SLX4IP: variants seen among roughly 807,000 people sequenced by gnomAD.
SLX4IP encodes SLX4 interacting protein, also known as protein SLX4IP.
In SLX4IP, 34 loss-of-function variants were observed where a neutral mutation model predicts 32.9. That is an observed-to-expected ratio of 1.03 (90% CI 0.79 to 1.38). The LOEUF is 1.38. SLX4IP is among the 40% of genes most tolerant of loss of function. The probability of loss-of-function intolerance (pLI) is 0.00; values close to 1 mark genes in which losing one functional copy is unlikely to be tolerated. For missense variants in SLX4IP, 444 were observed against 479.0 expected (o/e 0.93, Z 0.68); for synonymous variants, 172 against 171.7 (o/e 1.00, Z -0.01).
intron 2 of SLX4IP, among the ~76,000 whole-genome samples, chr20:10,502,052 A>G (rs2065724065): frequency 6.6e-6 from 1 of 152,218 alleles, no homozygotes; most frequent in African/African-American, 2.4e-5. Flanking sequence ...GGTGGGGCCG[A>G]AACGGCGGCT....
chr20:10,538,599 C>T (rs962235281), intron 2 of SLX4IP, among the ~76,000 whole-genome samples: 1 of 151,556 alleles, frequency 6.6e-6, no homozygotes, highest in African/African-American at 2.4e-5. Flanking sequence ...CATCTTGGCT[C>T]ACTGCAACCT....
chr20:10,493,785 A>G (rs924702380), intron 2 of SLX4IP, among the ~76,000 whole-genome samples: 7 of 150,700 alleles, frequency 4.6e-5, no homozygotes, highest in African/African-American at 9.8e-5. Flanking sequence ...AATGTTTCCT[A>G]CTGGTCTACT....
chr20:10,575,771 T>A (rs1568749966), intron 4 of SLX4IP, among the ~76,000 whole-genome samples: 1 of 152,070 alleles, frequency 6.6e-6, no homozygotes, highest in Non-Finnish European at 1.5e-5. Flanking sequence ...TTTTTTCCTT[T>A]GGCCAGGACC....
At chr20:10,535,871 G>C (rs2066037947) in intron 2 of SLX4IP, among the ~76,000 whole-genome samples, 1 of 152,174 alleles carries the variant, frequency 6.6e-6, no homozygotes. Context: ...GAGTAAATTT[G>C]CATAGCAGAT....
intron 1 of SLX4IP, among the ~76,000 whole-genome samples, chr20:10,443,316 C>A (rs2065173257): frequency 6.6e-6 from 1 of 152,126 alleles, no homozygotes; most frequent in Non-Finnish European, 1.5e-5. Flanking sequence ...GTGCCACACC[C>A]CAAATATTAA....
At chr20:10,463,599 A>G (rs980909973) in intron 2 of SLX4IP, among the ~76,000 whole-genome samples, 1 of 152,236 alleles carries the variant, frequency 6.6e-6, no homozygotes, top group African/African-American at 2.4e-5. Flanking sequence ...TGAATAAAAT[A>G]CATCATGTAT....
intron 4 of SLX4IP, among the ~76,000 whole-genome samples, chr20:10,575,814 A>G (rs1377049345): frequency 6.6e-6 from 1 of 150,952 alleles, no homozygotes; most frequent in Non-Finnish European, 1.5e-5. Flanking sequence ...TCAAATTTCT[A>G]GTAATTGAGT....
rs571368144 is a variant in SLX4IP, at chr20:10,555,542, G to A, written c.28-689G>A. Among the ~76,000 whole-genome samples the A allele has an allele frequency of 2.0e-3, 306 of 152,132 alleles. 3 individuals carry two copies. The highest frequency in any genetic ancestry group is 3.4e-3 in the Non-Finnish European group (233 of 68,014). ...TCAGCAGCCACATATGGCCACATAC[G>A]GCCACATATGGCTATCTTATTGAAC... On this transcript the variant is annotated intron_variant, in intron 2 of 7. Coordinates refer to ENST00000334534, the MANE Select transcript of SLX4IP (RefSeq NM_001009608.3).
intron 2 of SLX4IP, among the ~76,000 whole-genome samples, chr20:10,530,156 G>T (rs185962366): frequency 7.5e-4 from 114 of 152,338 alleles, no homozygotes; most frequent in African/African-American, 2.7e-3. Flanking sequence ...AGGCTTGCCT[G>T]TGCTGCCTGC....
At position 10,485,293 on chromosome 20, in the gene SLX4IP, T is replaced by C. The variant is rs139561566; in HGVS notation, c.27+27062T>C. Among the ~76,000 whole-genome samples the C allele has an allele frequency of 1.2e-4, 19 of 152,192 alleles. No homozygotes were observed. In the East Asian group the frequency reaches 3.5e-3, roughly 28 times the overall value. On this transcript the variant is annotated intron_variant, in intron 2 of 7. Transcript: ENST00000334534. ...GGGTTAGGGCTACTGACTCTCTCTA[T>C]GCAGTTGAAAATCCACATACAACTT...
intron 2 of SLX4IP, among the ~76,000 whole-genome samples, chr20:10,477,123 G>T (rs1422080046): frequency 6.6e-6 from 1 of 152,138 alleles, no homozygotes; most frequent in Non-Finnish European, 1.5e-5. Flanking sequence ...AGGTTCTAAA[G>T]ATACCAGTGT....
chr20:10,476,778 A>T (rs902279655), intron 2 of SLX4IP, among the ~76,000 whole-genome samples: 8 of 151,930 alleles, frequency 5.3e-5, no homozygotes, highest in African/African-American at 9.7e-5. Context: ...GTGTGTAGAT[A>T]AAAAAAACTC....
chr20:10,593,346 C>G (rs1324384221), intron 4 of SLX4IP, among the ~76,000 whole-genome samples: 1 of 151,920 alleles, frequency 6.6e-6, no homozygotes, highest in Non-Finnish European at 1.5e-5. Flanking sequence ...CTGTAATTTC[C>G]TACAGCAGTT....
intron 5 of SLX4IP, among the ~76,000 whole-genome samples, chr20:10,600,770 G>A (rs982922481): frequency 6.6e-6 from 1 of 152,162 alleles, no homozygotes; most frequent in African/African-American, 2.4e-5. Context: ...ATGTAAGAGG[G>A]AAGCTTTCTC....
chr20:10,626,972 T>A lies in SLX4IP; in HGVS notation c.*3593T>A, dbSNP rs538212403. 7.2e-5 allele frequency: 11 copies of A among 152,378 alleles called. No homozygotes were observed. The East Asian group carries it at 2.1e-3, about 29-fold the overall frequency. The allele number at this position is 152,378 out of a possible 1,614,324, so 9.4% of individuals were successfully genotyped here. A position where few individuals can be genotyped will look rare whatever the true frequency, so the allele number is the denominator to read the frequency against. On this transcript the variant is annotated 3_prime_UTR_variant, in exon 8 of 8. Transcript: ENST00000334534. Reference sequence around the variant, plus strand: ...GGATTTTAGCATGGTTTGTTATGCATGTCAGTGGCCTCTGATTTCAGAAAG... The same window carrying A: ...GGATTTTAGCATGGTTTGTTATGCAAGTCAGTGGCCTCTGATTTCAGAAAG...
intron 1 of SLX4IP, among the ~76,000 whole-genome samples, chr20:10,445,901 C>T (rs945725969): frequency 2.0e-5 from 3 of 146,474 alleles, no homozygotes; most frequent in African/African-American, 7.6e-5. Flanking sequence ...GCTGGGATTA[C>T]AGCCATGAGC....
chr20:10,461,253 C>T (rs2065335413), intron 2 of SLX4IP, among the ~76,000 whole-genome samples: 2 of 152,214 alleles, frequency 1.3e-5, no homozygotes. Flanking sequence ...GAAACTTGGA[C>T]GTGAGGCCCC....
chr20:10,612,744 TAGTC>T (rs2066981777), intron 6 of SLX4IP: 1 of 152,274 alleles, frequency 6.6e-6, no homozygotes. Context: ...TTCACCATGT[TAGTC>T]AGGCTGGTCT....
chr20:10,606,561 TAG>T (rs1321349287), intron 6 of SLX4IP, among the ~76,000 whole-genome samples: 1 of 152,190 alleles, frequency 6.6e-6, no homozygotes, highest in Non-Finnish European at 1.5e-5. Flanking sequence ...GTTCCTTGAG[TAG>T]AGAGAGGCTG....
Sources: allele counts gnomAD v4.1 joint callset (sites outside exome capture counted in the v4.1 genomes callset), GRCh38; gene constraint gnomAD v4.1.1; transcripts MANE v1.5; gene names NCBI Gene and HGNC (gene_info 2026-07-23, HGNC 2026-07-21).